The following TMTC2 variants were observed in gnomAD, a reference collection of about 807,000 sequenced individuals.
TMTC2 encodes the protein transmembrane O-mannosyltransferase targeting cadherins 2.
Under a neutral mutation model 82.4 loss-of-function variants are expected in TMTC2, and 43 were observed. The observed-to-expected ratio is 0.52, with a 90% CI of 0.41 to 0.67. TMTC2 has a LOEUF of 0.67. TMTC2 is among the 30% of genes least tolerant of loss of function. The pLI is 0.00. For missense variants in TMTC2, 919 were observed against 1,012.4 expected, an observed-to-expected ratio of 0.91 and a Z score of 1.25; for synonymous variants, 408 against 381.9, an observed-to-expected ratio of 1.07 and a Z score of -0.80.
In TMTC2 at chr12:82,909,098, CCAAA is replaced by C. The variant is rs376037570; in HGVS notation, c.1483+12455_1483+12458del. Among the ~76,000 whole-genome samples the C allele has an allele frequency of 3.7e-3, 563 of 152,238 alleles. 1 individual carries two copies. Among genetic ancestry groups the C allele is most frequent in the African/African-American group, 0.013 (539 of 41,540 alleles). On this transcript the variant is annotated intron_variant, in intron 3 of 11. Coordinates refer to ENST00000321196, the MANE Select transcript of TMTC2 (RefSeq NM_152588.3). ...CCTATTTTCTGTTTGTCCAAATAGGCCAAACAGTCACCCATCTTTTCATTCTCTA... is the reference window on the plus strand; with the variant it reads ...CCTATTTTCTGTTTGTCCAAATAGGCCAGTCACCCATCTTTTCATTCTCTA...
At chr12:82,882,898 G>C (rs1360033980) in intron 2 of TMTC2, among the ~76,000 whole-genome samples, 1 of 151,786 alleles carries the variant, frequency 6.6e-6, no homozygotes, top group South Asian at 2.1e-4. Flanking sequence ...TCTACTAGAA[G>C]TACAAAAATT....
At position 82,845,457 on chromosome 12, in the gene TMTC2, A is replaced by G. The variant is rs148237205; in HGVS notation, c.84-11553A>G. On this transcript the variant is annotated intron_variant, in intron 1 of 11. Coordinates refer to ENST00000321196, the MANE Select transcript of TMTC2 (RefSeq NM_152588.3). Reference sequence around the variant, plus strand: ...GTAAACAAATGGACTAAAGTGGTTCATGTATAGTACCTGATTTAACTTTTA... The same window carrying G: ...GTAAACAAATGGACTAAAGTGGTTCGTGTATAGTACCTGATTTAACTTTTA... Among the ~76,000 whole-genome samples the G allele has an allele frequency of 4.3e-3, 657 of 151,882 alleles. 8 individuals are homozygous for G. Among genetic ancestry groups the G allele is most frequent in the African/African-American group, 0.015 (635 of 41,346 alleles).
At chr12:83,085,763 G>T (rs1259886498) in intron 11 of TMTC2, among the ~76,000 whole-genome samples, 14 of 152,160 alleles carry the variant, frequency 9.2e-5, no homozygotes, top group African/African-American at 3.4e-4. Flanking sequence ...TAAACTCAAG[G>T]CTACATCCAC....
intron 1 of TMTC2, among the ~76,000 whole-genome samples, chr12:82,719,086 T>TATATATATATATATA (rs1491203790): frequency 2.1e-4 from 4 of 19,324 alleles, no homozygotes; most frequent in Admixed American, 8.4e-4. Flanking sequence ...TATATATATA[T>TATATATATATATATA]TTTTTTTTTT....
intron 8 of TMTC2, among the ~76,000 whole-genome samples, chr12:83,026,850 T>C (rs2137415528): frequency 6.6e-6 from 1 of 152,182 alleles, no homozygotes; most frequent in East Asian, 1.9e-4. Context: ...GCTGCGCACC[T>C]GAGCTGAACA....
intron 9 of TMTC2, among the ~76,000 whole-genome samples, chr12:83,041,511 CAAT>C (rs1178543294): frequency 1.3e-5 from 2 of 151,452 alleles, no homozygotes; most frequent in Non-Finnish European, 2.9e-5. Context: ...ATAATAAAAA[CAAT>C]ATCCTGGAGA....
intron 11 of TMTC2, among the ~76,000 whole-genome samples, chr12:83,109,546 C>G (rs1884530618): frequency 6.6e-6 from 1 of 152,202 alleles, no homozygotes; most frequent in Non-Finnish European, 1.5e-5. Context: ...CCTCTGTGGT[C>G]TCATTTCAAA....
chr12:82,766,441 C>G (rs118126978), intron 1 of TMTC2, among the ~76,000 whole-genome samples: 1 of 152,162 alleles, frequency 6.6e-6, no homozygotes, highest in African/African-American at 2.4e-5. Context: ...TTCCCAAAGC[C>G]TGGAAGAGTT....
At chr12:83,044,918 G>A (rs767816113) in intron 9 of TMTC2, among the ~76,000 whole-genome samples, 20 of 152,164 alleles carry the variant, frequency 1.3e-4, no homozygotes, top group South Asian at 2.1e-4. Flanking sequence ...TACAAAGCAG[G>A]ATTTGAGCCT....
intron 8 of TMTC2, among the ~76,000 whole-genome samples, chr12:83,029,638 A>G (rs556760866): frequency 1.2e-4 from 19 of 152,224 alleles, no homozygotes; most frequent in Non-Finnish European, 2.1e-4. Flanking sequence ...GTGCCTTACT[A>G]CCCTTCATAG....
At chr12:82,994,629 TAA>T (rs796451657) in intron 8 of TMTC2, among the ~76,000 whole-genome samples, 46 of 123,790 alleles carry the variant, frequency 3.7e-4, no homozygotes, top group Non-Finnish European at 3.9e-4. Flanking sequence ...CTTACAGAAC[TAA>T]AAAAAAAAAA....
rs149557661 is a variant in TMTC2, at chr12:82,919,903, C to G, written c.1484-10528C>G. Among the ~76,000 whole-genome samples, 6 of 152,320 alleles carry G rather than the reference C, an allele frequency of 3.9e-5. No individual in the cohort carries two copies. The East Asian group carries it at 1.2e-3, about 29-fold the overall frequency. On this transcript the variant is annotated intron_variant, in intron 3 of 11. Coordinates refer to ENST00000321196, the MANE Select transcript of TMTC2 (RefSeq NM_152588.3). Reference sequence around the variant, plus strand: ...CGCTCTCTCAGACTGGCATCGTACACTGGTAGCTCTACAGTTCTGTGGTCT... The same window carrying G: ...CGCTCTCTCAGACTGGCATCGTACAGTGGTAGCTCTACAGTTCTGTGGTCT...
rs1474513406 is a variant in TMTC2 at position 83,133,629 on chromosome 12, C to A, written c.*1240C>A. The A allele has an allele frequency of 6.6e-6, 1 of 152,166 alleles. No individual in the cohort carries two copies. The highest frequency in any genetic ancestry group is 1.5e-5 in the Non-Finnish European group (1 of 68,036). 9.4% of individuals were successfully genotyped at this position (152,166 alleles called of 1,614,324 possible). ...CACTAGCAAAATTGGTATTTTATTT[C>A]ATTACCTGTTAGTAACTACTTCAAT... On this transcript the variant is annotated 3_prime_UTR_variant, in exon 12 of 12. Transcript: ENST00000321196.
intron 9 of TMTC2, among the ~76,000 whole-genome samples, chr12:83,039,177 C>T (rs2137436633): frequency 6.6e-6 from 1 of 152,204 alleles, no homozygotes; most frequent in Non-Finnish European, 1.5e-5. Context: ...AGGTGATCCA[C>T]CTGCCTTGGC....
chr12:82,798,296 G>T (rs987688440), intron 1 of TMTC2, among the ~76,000 whole-genome samples: 9 of 149,780 alleles, frequency 6.0e-5, no homozygotes, highest in African/African-American at 1.9e-4. Flanking sequence ...TTGGGGCCGG[G>T]TGTGGTGGCT....
chr12:82,975,777 T>C (rs1293422143), intron 7 of TMTC2, among the ~76,000 whole-genome samples: 1 of 152,186 alleles, frequency 6.6e-6, no homozygotes, highest in African/African-American at 2.4e-5. Context: ...GCTTTTTCTT[T>C]TATCGTTTTC....
intron 1 of TMTC2, among the ~76,000 whole-genome samples, chr12:82,730,893 T>A (rs1448448510): frequency 1.3e-5 from 2 of 152,264 alleles, no homozygotes; most frequent in African/African-American, 2.4e-5. Context: ...GCTATTCTGC[T>A]TTTTCAAGTA....
At chr12:82,708,427 CTT>C (rs1443107944) in intron 1 of TMTC2, among the ~76,000 whole-genome samples, 3 of 152,196 alleles carry the variant, frequency 2.0e-5, no homozygotes, top group Non-Finnish European at 4.4e-5. Flanking sequence ...CTATCTGTGA[CTT>C]TTGCAGAACT....
rs138847027 is a variant in TMTC2 at position 82,857,535 on chromosome 12, C to G, written c.609C>G (p.Val203=). Residue 203 remains valine, a synonymous_variant, in exon 2 of 12, where the codon GTC becomes GTG. Transcript: ENST00000321196. Reference sequence around the variant, plus strand: ...TTTCAGCAGTTTATGATGTCTTTGTCTTTCACAGGCTGAAAATAAAACAGA... The same window carrying G: ...TTTCAGCAGTTTATGATGTCTTTGTGTTTCACAGGCTGAAAATAAAACAGA... ...LAVSAVYDVF[V]FHRLKIKQIL... The G allele has an allele frequency of 3.9e-5, 63 of 1,612,592 alleles. No individual in the cohort carries two copies. Among genetic ancestry groups the G allele is most frequent in the Middle Eastern group, 1.6e-4 (1 of 6,074 alleles).
Sources: allele counts gnomAD v4.1 joint callset (sites outside exome capture counted in the v4.1 genomes callset), GRCh38; gene constraint gnomAD v4.1.1; transcripts MANE v1.5; gene names NCBI Gene and HGNC (gene_info 2026-07-23, HGNC 2026-07-21).